HAUS8: variants seen among roughly 807,000 people sequenced by gnomAD.
HAUS8 encodes HAUS augmin like complex subunit 8.
A neutral mutation model predicts 42.9 loss-of-function variants in HAUS8; 38 were observed. The ratio of observed to expected loss-of-function variants is 0.89; its 90% CI spans 0.68 to 1.16. The LOEUF is 1.16. HAUS8 is among the 50% of genes most tolerant of loss of function. The probability of loss-of-function intolerance (pLI) is 0.00; values close to 1 mark genes in which losing one functional copy is unlikely to be tolerated. For missense variants in HAUS8, 494 were observed against 511.6 expected (o/e 0.97, Z 0.33); for synonymous variants, 199 against 205.8 (o/e 0.97, Z 0.28).
In HAUS8 at chr19:17,058,575, C is replaced by T. The variant is rs2057339821; in HGVS notation, c.619G>A (p.Glu207Lys). Residue 207 changes from glutamate to lysine, a missense_variant, in exon 8 of 11, where the codon GAG (glutamate) becomes AAG (lysine). Glu to Lys is a moderately conservative substitution (Grantham distance 56). Coordinates refer to ENST00000253669, the MANE Select transcript of HAUS8 (RefSeq NM_033417.2). ...RRLLLSQRKR[E>K]LADVLDAQIE... The stretch of plus-strand genomic sequence containing the variant: ...TGGGCATCCAGGACATCTGCCAGCT[C>T]CCGCTTCCTCTGAGAGAGGAGAAGC... 6.2e-7 allele frequency: 1 copy of T among 1,605,364 alleles called. No individual in the cohort carries two copies. Among genetic ancestry groups the T allele is most frequent in the Non-Finnish European group, 8.5e-7 (1 of 1,177,256 alleles).
intron 3 of HAUS8, among the ~76,000 whole-genome samples, chr19:17,065,989 GAC>G (rs1599986029): frequency 6.7e-6 from 1 of 149,084 alleles, no homozygotes; most frequent in Admixed American, 6.7e-5. Context: ...AAAAAAAAGA[GAC>G]AGGATCTCAC....
intron 5 of HAUS8, 106 bp downstream of exon 5, chr19:17,059,891 G>C (rs2057349632): frequency 1.2e-6 from 1 of 807,532 alleles, no homozygotes; most frequent in Non-Finnish European, 2.1e-6. Flanking sequence ...ACTTACAATG[G>C]GTTTGTTGGA....
chr19:17,069,161 C>T (rs544515958), intron 2 of HAUS8, 75 bp from the exon 3 acceptor site: 27 of 1,357,094 alleles, frequency 2.0e-5, no homozygotes, highest in Admixed American at 3.8e-5. Context: ...CCCCACGCCC[C>T]GGAGACCCAG....
Position 17,055,852 on chromosome 19 carries a change from G to A in HAUS8, c.787+9C>T, listed in dbSNP as rs373758571. 42 of 1,612,168 alleles carry A rather than the reference G, an allele frequency of 2.6e-5. 1 individual carries two copies. Among genetic ancestry groups the A allele is most frequent in the Admixed American group, 1.5e-4 (9 of 59,962 alleles). On this transcript the variant is annotated intron_variant, in intron 9 of 10. Coordinates refer to ENST00000253669, the MANE Select transcript of HAUS8 (RefSeq NM_033417.2). ...TGCTGCACACGCACTGGGACGCCCC[G>A]TTTCCTACCTAAGAGCTGCTGCCCA...
rs770739962 is a variant in HAUS8 at position 17,049,823 on chromosome 19, G to C, written c.*50C>G. On this transcript the variant is annotated 3_prime_UTR_variant, in exon 11 of 11. Transcript: ENST00000253669. ...GATTATCACATAAAAAATAGCTACA[G>C]TGCTACGGTAGTATATAAAGTGCTC... 1.5e-6 allele frequency: 2 copies of C among 1,314,792 alleles called. No individual in the cohort carries two copies. Among genetic ancestry groups the C allele is most frequent in the Non-Finnish European group, 1.0e-6 (1 of 998,538 alleles). The allele number at this position is 1,314,792 out of a possible 1,614,324, so 81.4% of individuals were successfully genotyped here.
At chr19:17,069,368 T>G (rs538000667) in intron 2 of HAUS8, among the ~76,000 whole-genome samples, 2 of 151,764 alleles carry the variant, frequency 1.3e-5, no homozygotes, top group East Asian at 3.9e-4. Flanking sequence ...AAGCTGCAAG[T>G]GCACTCAGAC....
chr19:17,057,124 C>T (rs1045494356), intron 8 of HAUS8, among the ~76,000 whole-genome samples: 2 of 152,004 alleles, frequency 1.3e-5, no homozygotes, highest in South Asian at 2.1e-4. Context: ...CTAAGGAGGG[C>T]GGATCACTTG....
chr19:17,067,889 G>A (rs575537699), intron 3 of HAUS8, among the ~76,000 whole-genome samples: 30 of 152,178 alleles, frequency 2.0e-4, no homozygotes, highest in Middle Eastern at 6.8e-3. Flanking sequence ...ATATATAATT[G>A]TATAATCTAC....
chr19:17,067,908 C>T (rs2057396481), intron 3 of HAUS8, among the ~76,000 whole-genome samples: 1 of 152,082 alleles, frequency 6.6e-6, no homozygotes, highest in African/African-American at 2.4e-5. Context: ...ACTGATTGCT[C>T]CCACGAACTC....
intron 10 of HAUS8, 103 bp from the exon 11 acceptor site, chr19:17,050,279 G>T: frequency 1.2e-6 from 1 of 825,806 alleles, no homozygotes; most frequent in Non-Finnish European, 1.7e-6. Flanking sequence ...ATTTTCACAT[G>T]CCCTACGTGC....
At chr19:17,054,060 G>A (rs1485198101) in intron 9 of HAUS8, among the ~76,000 whole-genome samples, 2 of 152,130 alleles carry the variant, frequency 1.3e-5, no homozygotes, top group East Asian at 3.9e-4. Flanking sequence ...GGAACGCCAA[G>A]GGCCACCAGC....
chr19:17,064,445 G>GT (rs1461697980), intron 3 of HAUS8, among the ~76,000 whole-genome samples: 1 of 152,198 alleles, frequency 6.6e-6, no homozygotes, highest in Non-Finnish European at 1.5e-5. Flanking sequence ...ACAGTGAGAG[G>GT]TCTCACATTA....
intron 10 of HAUS8, 178 bp downstream of exon 10, chr19:17,052,647 C>A: frequency 1.5e-6 from 1 of 650,878 alleles, no homozygotes. Context: ...ATACAGATGA[C>A]AATGACACCT....
At chr19:17,071,048 G>A (rs1029548858) in intron 2 of HAUS8, among the ~76,000 whole-genome samples, 18 of 143,468 alleles carry the variant, frequency 1.3e-4, no homozygotes, top group Admixed American at 3.6e-4. Flanking sequence ...CCAGCCTGGC[G>A]ACAGAGTTAG....
rs2057350805 is a variant in HAUS8 at position 17,060,066 on chromosome 19, C to CA, written c.255dup (p.Asp86Ter). Reference sequence around the variant, plus strand: ...CCTTCCAGCAACGTGGACTGCAGGTCACCCTTTCCGACCCCACTGCTATCT... The same window carrying CA: ...CCTTCCAGCAACGTGGACTGCAGGTCAACCCTTTCCGACCCCACTGCTATCT... On this transcript the variant is annotated frameshift_variant, in exon 5 of 11. Coordinates refer to ENST00000253669, the MANE Select transcript of HAUS8 (RefSeq NM_033417.2). LOFTEE classifies it high-confidence loss of function. The CA allele has an allele frequency of 6.2e-7, 1 of 1,613,054 alleles. No homozygotes were observed.
At chr19:17,075,063 C>T in intron 1 of HAUS8, 1 of 426,690 alleles carries the variant, frequency 2.3e-6, no homozygotes, top group Non-Finnish European at 4.3e-6. Context: ...CCGATCTAAG[C>T]GCGTTTCAGC....
rs576079905 is a variant in HAUS8, at chr19:17,075,404, G to T, written c.19C>A (p.Arg7=). ...GAAGCCCCAACTCACCCAGCGCCTCGCCCCGAGGAATCCGCCATTTTCCCG... is the reference window on the plus strand; with the variant it reads ...GAAGCCCCAACTCACCCAGCGCCTCTCCCCGAGGAATCCGCCATTTTCCCG... The part of the protein sequence containing the change: MADSSG[R]GAGKPATGPT... The change falls in exon 1 of 11, where the codon CGA becomes AGA. Residue 7 remains arginine, a synonymous_variant. Coordinates refer to ENST00000253669, the MANE Select transcript of HAUS8 (RefSeq NM_033417.2). The T allele has an allele frequency of 3.1e-6, 5 of 1,613,812 alleles. No individual in the cohort carries two copies. In the South Asian group the frequency reaches 3.3e-5, roughly 11 times the overall value.
chr19:17,055,932 G>C lies in HAUS8; in HGVS notation c.716C>G (p.Ala239Gly). Residue 239 changes from alanine to glycine, a missense_variant, in exon 9 of 11, where the codon GCC becomes GGC. Physicochemically the swap from Ala to Gly is moderately conservative, Grantham distance 60 (BLOSUM62 0). Transcript: ENST00000253669. ...FKEQYRTFAT[A>G]LDTTRHELPV... ...CAGCTCGTGCCTGGTAGTGTCCAGGGCCGTGGCGAATGTCCTGTATTGCTC... is the reference window on the plus strand; with the variant it reads ...CAGCTCGTGCCTGGTAGTGTCCAGGCCCGTGGCGAATGTCCTGTATTGCTC... 6.2e-7 allele frequency: 1 copy of C among 1,614,116 alleles called. No homozygotes were observed. The highest frequency in any genetic ancestry group is 8.5e-7 in the Non-Finnish European group (1 of 1,179,954).
chr19:17,054,082 G>A (rs950913853), intron 9 of HAUS8, among the ~76,000 whole-genome samples: 6 of 152,280 alleles, frequency 3.9e-5, no homozygotes, highest in African/African-American at 1.4e-4. Flanking sequence ...GCCACCAGCA[G>A]GTGGGGGAGA....
Sources: gnomAD v4.1 joint callset for allele counts (sites outside exome capture counted in the v4.1 genomes callset) on GRCh38, gnomAD v4.1.1 for gene constraint, MANE v1.5 for transcripts, NCBI Gene and HGNC (gene_info 2026-07-23, HGNC 2026-07-21) for gene names.